Variants in TCF7L2 observed in about 807,000 individuals in gnomAD.
TCF7L2 encodes the protein transcription factor 7 like 2, also known as transcription factor 7-like 2.
TCF7L2 carries 23 observed loss-of-function variants against 77.9 expected under a neutral mutation model. The observed-to-expected ratio is 0.30, with a 90% CI of 0.21 to 0.42. TCF7L2 has a LOEUF of 0.42. Among genes scored for constraint, TCF7L2 ranks in the 10% least tolerant of loss-of-function variants. TCF7L2 has a pLI of 1.00. For missense variants in TCF7L2, 654 were observed against 793.1 expected (o/e 0.82, Z 2.11); for synonymous variants, 413 against 340.2 (o/e 1.21, Z -2.36).
At chr10:112,980,536 T>A (rs1347654799) in intron 4 of TCF7L2, among the ~76,000 whole-genome samples, 2 of 152,260 alleles carry the variant, frequency 1.3e-5, no homozygotes, top group East Asian at 3.9e-4. Context: ...ACTAGATTCT[T>A]ACCCTTAAAA....
intron 5 of TCF7L2, among the ~76,000 whole-genome samples, chr10:113,104,045 C>T (rs1051295894): frequency 2.0e-5 from 3 of 152,154 alleles, no homozygotes. Flanking sequence ...CCAGCCCCCT[C>T]CTGAGAATTA....
chr10:113,073,129 T>TGTGTGAGAGAGAGA (rs56927661), intron 5 of TCF7L2, among the ~76,000 whole-genome samples: 1 of 123,484 alleles, frequency 8.1e-6, no homozygotes, highest in African/African-American at 3.1e-5. Flanking sequence ...TGTGTGTGTG[T>TGTGTGAGAGAGAGA]GAGAGAGAGA....
In TCF7L2 at chr10:112,950,308, C is replaced by CTT. The variant is rs1481755968; in HGVS notation, c.-448_-447insTT. 3 of 235,192 alleles carry CTT rather than the reference C, an allele frequency of 1.3e-5. No homozygotes were observed. The highest frequency in any genetic ancestry group is 2.2e-5 in the African/African-American group (1 of 44,650). 14.6% of individuals were successfully genotyped at this position (235,192 alleles called of 1,614,324 possible). ...CGGATTTCGATCCCCCTTTTTCTAT[C>CTT]TGTCAATCAGCGCCGCCTTTGAACT... On this transcript the variant is annotated 5_prime_UTR_variant, in exon 1 of 14. Transcript: ENST00000627217.
chr10:113,047,936 C>T (rs140080462), intron 5 of TCF7L2, among the ~76,000 whole-genome samples: 9 of 152,068 alleles, frequency 5.9e-5, no homozygotes, highest in African/African-American at 1.9e-4. Flanking sequence ...ACATTTGTTT[C>T]GCTGAATGTT....
intron 5 of TCF7L2, among the ~76,000 whole-genome samples, chr10:113,074,463 A>G (rs149943736): frequency 6.6e-6 from 1 of 152,130 alleles, no homozygotes; most frequent in East Asian, 1.9e-4. Flanking sequence ...TTAGCAACAT[A>G]TTAATCTTGC....
chr10:112,965,508 G>A (rs1303057345), intron 4 of TCF7L2, among the ~76,000 whole-genome samples: 1 of 152,170 alleles, frequency 6.6e-6, no homozygotes, highest in African/African-American at 2.4e-5. Context: ...TAGTGTTGAG[G>A]TCTAGCTGGA....
chr10:113,065,142 G>A (rs116735861), intron 5 of TCF7L2, among the ~76,000 whole-genome samples: 122 of 152,340 alleles, frequency 8.0e-4, no homozygotes, highest in African/African-American at 2.7e-3. Context: ...AGACACTGTG[G>A]CCGCTCTGGT....
chr10:112,997,906 A>G, intron 4 of TCF7L2, among the ~76,000 whole-genome samples: 1 of 152,148 alleles, frequency 6.6e-6, no homozygotes, highest in East Asian at 1.9e-4. Context: ...GTGACACCTG[A>G]CGTATCTGTA....
At chr10:113,067,495 C>T (rs896220608) in intron 5 of TCF7L2, among the ~76,000 whole-genome samples, 15 of 152,174 alleles carry the variant, frequency 9.9e-5, no homozygotes, top group Non-Finnish European at 1.9e-4. Flanking sequence ...AAATATTCAG[C>T]CATAATTTTC....
chr10:113,162,990 T>C (rs111526930), intron 13 of TCF7L2, among the ~76,000 whole-genome samples: 2 of 144,588 alleles, frequency 1.4e-5, no homozygotes, highest in African/African-American at 5.1e-5. Flanking sequence ...ATGCTAAAAC[T>C]CATAGGACAA....
chr10:113,055,350 T>G (rs1170514282), intron 5 of TCF7L2, among the ~76,000 whole-genome samples: 2 of 152,246 alleles, frequency 1.3e-5, no homozygotes, highest in Non-Finnish European at 2.9e-5. Flanking sequence ...CTAATTTGCC[T>G]TTATTTGATG....
intron 5 of TCF7L2, among the ~76,000 whole-genome samples, chr10:113,075,185 A>T (rs765124041): frequency 6.6e-6 from 1 of 151,148 alleles, no homozygotes; most frequent in African/African-American, 2.4e-5. Flanking sequence ...GGGCGGGGTA[A>T]TGGTGGCTTA....
chr10:112,966,211 T>TATATATA (rs57702716), intron 4 of TCF7L2, among the ~76,000 whole-genome samples: 5 of 137,468 alleles, frequency 3.6e-5, no homozygotes, highest in African/African-American at 1.5e-4. Context: ...TATATATATA[T>TATATATA]TTTCTTTTCT....
At chr10:113,070,289 A>ATATATG (rs1382724764) in intron 5 of TCF7L2, among the ~76,000 whole-genome samples, 2 of 146,656 alleles carry the variant, frequency 1.4e-5, no homozygotes, top group East Asian at 2.0e-4. Flanking sequence ...ATATATATAT[A>ATATATG]TGAATTAATT....
chr10:113,065,057 A>G (rs1376293600), intron 5 of TCF7L2, among the ~76,000 whole-genome samples: 1 of 152,182 alleles, frequency 6.6e-6, no homozygotes, highest in South Asian at 2.1e-4. Context: ...TAGGGAAAAA[A>G]GGGCCAGGTT....
At position 112,990,771 on chromosome 10, in the gene TCF7L2, T is replaced by C. The variant is rs569576257; in HGVS notation, c.450+26147T>C. Among the ~76,000 whole-genome samples the C allele has an allele frequency of 2.0e-5, 3 of 152,262 alleles. No homozygotes were observed. In the East Asian group the frequency reaches 5.8e-4, roughly 29 times the overall value. On this transcript the variant is annotated intron_variant, in intron 4 of 13. Transcript: ENST00000627217. ...GCTAGCCAAGCTGCTTATAGGTCTTTTACATGGCCAAGCCACTTTCTCACC... is the reference window on the plus strand; with the variant it reads ...GCTAGCCAAGCTGCTTATAGGTCTTCTACATGGCCAAGCCACTTTCTCACC...
intron 5 of TCF7L2, among the ~76,000 whole-genome samples, chr10:113,089,030 C>T (rs546159425): frequency 6.6e-6 from 1 of 151,956 alleles, no homozygotes; most frequent in East Asian, 1.9e-4. Flanking sequence ...GAAATATCAG[C>T]AATTTCACAT....
chr10:113,040,307 T>C (rs2052213628), intron 5 of TCF7L2, among the ~76,000 whole-genome samples, 181 bp downstream of exon 5: 1 of 152,230 alleles, frequency 6.6e-6, no homozygotes, highest in South Asian at 2.1e-4. Context: ...TGGACCTTAA[T>C]GATTGTAACC....
chr10:113,006,371 T>C (rs2045557995), intron 4 of TCF7L2, among the ~76,000 whole-genome samples: 1 of 152,190 alleles, frequency 6.6e-6, no homozygotes, highest in Non-Finnish European at 1.5e-5. Flanking sequence ...TGTGATGTTC[T>C]AGAGCCTGGC....
Sources: gnomAD v4.1 joint callset for allele counts (sites outside exome capture counted in the v4.1 genomes callset) on GRCh38, gnomAD v4.1.1 for gene constraint, MANE v1.5 for transcripts, NCBI Gene and HGNC (gene_info 2026-07-23, HGNC 2026-07-21) for gene names.